RPGRIP1L: variants seen among roughly 807,000 people sequenced by gnomAD.
RPGRIP1L encodes the protein RPGRIP1 like.
RPGRIP1L carries 131 observed loss-of-function variants against 160.4 expected under a neutral mutation model. The ratio of observed to expected loss-of-function variants is 0.82; its 90% CI spans 0.71 to 0.94. RPGRIP1L has a LOEUF of 0.94. Among genes scored for constraint, RPGRIP1L ranks in the 40% least tolerant of loss-of-function variants. The pLI, the probability that RPGRIP1L is intolerant of heterozygous loss-of-function variation, is 0.00. For synonymous variants in RPGRIP1L, 510 were observed against 515.8 expected, an observed-to-expected ratio of 0.99 and a Z score of 0.15; for missense variants, 1,522 against 1,535.8, an observed-to-expected ratio of 0.99 and a Z score of 0.15.
chr16:53,605,605 G>T lies in RPGRIP1L; in HGVS notation c.3711C>A (p.Phe1237Leu), dbSNP rs762873755. 2.5e-6 allele frequency: 4 copies of T among 1,613,976 alleles called. No individual in the cohort carries two copies. Among genetic ancestry groups the T allele is most frequent in the African/African-American group, 1.3e-5 (1 of 74,924 alleles). The change falls in exon 26 of 27, where the codon TTC becomes TTA. Residue 1237 changes from phenylalanine (F) to leucine (L), a missense_variant. Transcript: ENST00000647211. ...CCTCTGGAGGGTCACTGACCACGGTGAAGCGAAGGCTGGTAAGGCAGAGAT... is the reference window on the plus strand; with the variant it reads ...CCTCTGGAGGGTCACTGACCACGGTTAAGCGAAGGCTGGTAAGGCAGAGAT... ...KQEMPNRSLR[F>L]TVVSDPPEDE...
chr16:53,645,493 G>A lies in RPGRIP1L; in HGVS notation c.2683+132C>T, dbSNP rs554708241. 1.1e-4 allele frequency: 78 copies of A among 717,560 alleles called. 1 individual carries two copies. In the South Asian group the frequency reaches 1.7e-3, roughly 16 times the overall value. 44.4% of individuals were successfully genotyped at this position (717,560 alleles called of 1,614,324 possible). ...GTAAGAAAATAATTTTTAAAATATA[G>A]TAATATAGGCCTAAAGTTTAAAGAC... On this transcript the variant is annotated intron_variant, in intron 17 of 26. Coordinates refer to ENST00000647211, the MANE Select transcript of RPGRIP1L (RefSeq NM_015272.5).
intron 6 of RPGRIP1L, among the ~76,000 whole-genome samples, chr16:53,677,099 A>G (rs1969242741): frequency 6.6e-6 from 1 of 152,202 alleles, no homozygotes; most frequent in African/African-American, 2.4e-5. Context: ...AGCATATGTC[A>G]AAAACTTTCA....
At chr16:53,686,243 T>A (rs1970003775) in intron 6 of RPGRIP1L, among the ~76,000 whole-genome samples, 190 bp downstream of exon 6, 1 of 152,140 alleles carries the variant, frequency 6.6e-6, no homozygotes, top group Non-Finnish European at 1.5e-5. Context: ...GCACAGCAGG[T>A]TAGGGAAAAC....
At chr16:53,659,162 C>T in intron 10 of RPGRIP1L, 1 of 869,318 alleles carries the variant, frequency 1.2e-6, no homozygotes, top group Non-Finnish European at 1.4e-6. Flanking sequence ...AAGGAATGTT[C>T]TATTTAAAAT....
chr16:53,636,344 T>A, intron 22 of RPGRIP1L, 95 bp downstream of exon 22: 1 of 903,450 alleles, frequency 1.1e-6, no homozygotes, highest in Non-Finnish European at 1.8e-6. Context: ...AGAAATAGTT[T>A]TCCTTAAGAT....
chr16:53,671,523 T>C lies in RPGRIP1L; in HGVS notation c.1090A>G (p.Lys364Glu), dbSNP rs1404503100. The change falls in exon 9 of 27, where the codon AAA becomes GAA. Residue 364 changes from lysine (K) to glutamate (E), a missense_variant. Physicochemically the swap from Lys to Glu is moderately conservative, Grantham distance 56. Transcript: ENST00000647211. ...ATCACGATTTACCTGTCATAAAGTTTATCATAGTTTTCCTTTAAAAGTTCC... is the reference window on the plus strand; with the variant it reads ...ATCACGATTTACCTGTCATAAAGTTCATCATAGTTTTCCTTTAAAAGTTCC... The part of the protein sequence containing the change: ...ERELLKENYD[K>E]LYDSAFSAAH... 1 of 1,575,030 alleles carries C rather than the reference T, an allele frequency of 6.3e-7. No homozygotes were observed. Among genetic ancestry groups the C allele is most frequent in the South Asian group, 1.1e-5 (1 of 89,934 alleles).
chr16:53,692,054 G>A lies in RPGRIP1L; in HGVS notation c.529+12C>T. 6 of 1,612,892 alleles carry A rather than the reference G, an allele frequency of 3.7e-6. No individual in the cohort carries two copies. The highest frequency in any genetic ancestry group is 5.1e-6 in the Non-Finnish European group (6 of 1,179,070). On this transcript the variant is annotated intron_variant, in intron 4 of 26. Transcript: ENST00000647211. ...AGACTTCAGTTTAGATTTAACGTAA[G>A]CTTTGTTTTACCTTTCCTGGGGCAT... is the stretch of plus-strand genomic sequence containing the variant.
rs370970533 is a variant in RPGRIP1L at position 53,633,071 on chromosome 16, T to C, written c.3294+3368A>G. Among the ~76,000 whole-genome samples, 15 of 152,322 alleles carry C rather than the reference T, an allele frequency of 9.8e-5. No homozygotes were observed. The East Asian group carries it at 2.1e-3, about 22-fold the overall frequency. On this transcript the variant is annotated intron_variant, in intron 22 of 26. Transcript: ENST00000647211. ...GAATTGTTGTGAGGAAATATTAACA[T>C]AGGATGTACTTAGCACATAACAGGC... is the stretch of plus-strand genomic sequence containing the variant.
intron 24 of RPGRIP1L, among the ~76,000 whole-genome samples, chr16:53,616,932 T>G (rs1376436448): frequency 6.6e-6 from 1 of 150,994 alleles, no homozygotes; most frequent in African/African-American, 2.4e-5. Flanking sequence ...ATTAGCTGGG[T>G]GTGGCTGCGT....
chr16:53,679,084 A>C (rs1969418585), intron 6 of RPGRIP1L, among the ~76,000 whole-genome samples: 1 of 152,224 alleles, frequency 6.6e-6, no homozygotes, highest in Non-Finnish European at 1.5e-5. Context: ...GTGCTCTCTG[A>C]TTTAAGATTG....
At position 53,600,566 on chromosome 16, in the gene RPGRIP1L, C is replaced by T. The variant is rs140374059; in HGVS notation, c.*1510G>A. 7.6e-4 allele frequency: 116 copies of T among 152,694 alleles called. No individual in the cohort carries two copies. Among genetic ancestry groups the T allele is most frequent in the Non-Finnish European group, 1.0e-3 (68 of 68,028 alleles). 9.5% of individuals were successfully genotyped at this position (152,694 alleles called of 1,614,324 possible). A position where few individuals can be genotyped will look rare whatever the true frequency, so the allele number is the denominator to read the frequency against. ...TGTACATCAACAAATTAATATTGTA[C>T]GGATGTCATTTCAAAGCCTTCTAAA... On this transcript the variant is annotated 3_prime_UTR_variant, in exon 27 of 27. Coordinates refer to ENST00000647211, the MANE Select transcript of RPGRIP1L (RefSeq NM_015272.5).
At chr16:53,615,004 C>T (rs561227042) in intron 24 of RPGRIP1L, among the ~76,000 whole-genome samples, 114 of 152,220 alleles carry the variant, frequency 7.5e-4, no homozygotes, top group African/African-American at 2.6e-3. Context: ...TATAAGGAGT[C>T]GATAACCCTG....
At chr16:53,612,320 A>G (rs72803627) in intron 24 of RPGRIP1L, among the ~76,000 whole-genome samples, 5,632 of 152,270 alleles carry the variant, frequency 0.037, 188 homozygotes, top group East Asian at 0.15. Flanking sequence ...GTGGCTAGTT[A>G]TATAGGTTAC....
chr16:53,670,000 T>C (rs868826217), intron 9 of RPGRIP1L, among the ~76,000 whole-genome samples: 8 of 152,160 alleles, frequency 5.3e-5, no homozygotes, highest in Non-Finnish European at 8.8e-5. Context: ...ATATCTTCTC[T>C]AATAGGGTAC....
chr16:53,692,015 TAAAC>T lies in RPGRIP1L; in HGVS notation c.529+47_529+50del, dbSNP rs764895348. ...GTAAAACTTTGTGTTTTTTTTGTGT[TAAAC>T]AATCTAATAAGACTTCAGTTTAGAT... On this transcript the variant is annotated intron_variant, in intron 4 of 26. Transcript: ENST00000647211. 3 of 1,564,104 alleles carry T rather than the reference TAAAC, an allele frequency of 1.9e-6. No homozygotes were observed. The African/African-American group carries it at 4.1e-5, about 21-fold the overall frequency.
intron 19 of RPGRIP1L, 129 bp downstream of exon 19, chr16:53,640,904 A>G: frequency 1.3e-6 from 1 of 756,090 alleles, no homozygotes; most frequent in Non-Finnish European, 2.3e-6. Context: ...CAAAGCAATC[A>G]CTTTAATGGG....
intron 22 of RPGRIP1L, among the ~76,000 whole-genome samples, chr16:53,625,443 G>A (rs1965053457): frequency 7.1e-6 from 1 of 140,650 alleles, no homozygotes; most frequent in Admixed American, 6.9e-5. Context: ...GGTGGGGGGT[G>A]CCTCCACCCG....
chr16:53,622,362 TCA>T lies in RPGRIP1L; in HGVS notation c.3295-8_3295-7del. 4 of 540,396 alleles carry T rather than the reference TCA, an allele frequency of 7.4e-6. No homozygotes were observed. The highest frequency in any genetic ancestry group is 5.2e-5 in the South Asian group (2 of 38,270). The allele number at this position is 540,396 out of a possible 1,614,324, so 33.5% of individuals were successfully genotyped here. A position where few individuals can be genotyped will look rare whatever the true frequency, so the allele number is the denominator to read the frequency against. On this transcript the variant is annotated splice_polypyrimidine_tract_variant and splice_region_variant and intron_variant, in intron 22 of 26. Coordinates refer to ENST00000647211, the MANE Select transcript of RPGRIP1L (RefSeq NM_015272.5). ...CCGGGAGACAATGCGAGACTCTGTC[TCA>T]AAAAAAAAAAAAAAATCTTAAGATT...
Position 53,649,067 on chromosome 16 carries a change from C to T in RPGRIP1L, c.2201G>A (p.Arg734Gln), listed in dbSNP as rs117364872. Residue 734 changes from arginine to glutamine, a missense_variant, in exon 16 of 27, where the codon CGA becomes CAA. Physicochemically the swap from Arg to Gln is conservative, Grantham distance 43. Transcript: ENST00000647211. ...TGCTTGATCCATGGGAACTCTTAATCGGAACCAGTATTCCACTGTGCCAAA... is the reference window on the plus strand; with the variant it reads ...TGCTTGATCCATGGGAACTCTTAATTGGAACCAGTATTCCACTGTGCCAAA... Reference protein sequence around the residue: ...PNFGTVEYWFRLRVPMDQAIR... With the variant: ...PNFGTVEYWFQLRVPMDQAIR... The T allele has an allele frequency of 3.8e-5, 62 of 1,613,960 alleles. No homozygotes were observed. The highest frequency in any genetic ancestry group is 4.5e-5 in the Non-Finnish European group (53 of 1,179,898).
Sources: gnomAD v4.1 joint callset for allele counts (sites outside exome capture counted in the v4.1 genomes callset) on GRCh38, gnomAD v4.1.1 for gene constraint, MANE v1.5 for transcripts, NCBI Gene and HGNC (gene_info 2026-07-23, HGNC 2026-07-21) for gene names.